Variants in SCFD2 observed in about 807,000 individuals in gnomAD.
SCFD2 encodes the protein sec1 family domain-containing protein 2.
A neutral mutation model predicts 58.9 loss-of-function variants in SCFD2; 54 were observed. The ratio of observed to expected loss-of-function variants is 0.92; its 90% CI spans 0.74 to 1.15. The LOEUF is 1.15. Among genes scored for constraint, SCFD2 ranks in the 50% most tolerant of loss-of-function variants. SCFD2 has a pLI of 0.00. For missense variants in SCFD2, 805 were observed against 836.6 expected (o/e 0.96, Z 0.47); for synonymous variants, 321 against 335.9 (o/e 0.96, Z 0.49).
chr4:53,138,595 C>A (rs1477182868), intron 5 of SCFD2, among the ~76,000 whole-genome samples: 1 of 152,156 alleles, frequency 6.6e-6, no homozygotes, highest in Non-Finnish European at 1.5e-5. Context: ...AAGCAGAGAG[C>A]CAACCCTTGA....
At chr4:52,945,024 C>T (rs1179836143) in intron 5 of SCFD2, among the ~76,000 whole-genome samples, 1 of 152,114 alleles carries the variant, frequency 6.6e-6, no homozygotes. Flanking sequence ...ATAACTAAGA[C>T]ATATTAAGTG....
intron 4 of SCFD2, among the ~76,000 whole-genome samples, chr4:53,179,841 G>A (rs1185943405): frequency 2.6e-5 from 4 of 151,990 alleles, no homozygotes; most frequent in Admixed American, 6.6e-5. Flanking sequence ...AAAAGGCAGG[G>A]GTTGCAATCC....
At chr4:52,939,694 G>C (rs1322386141) in intron 5 of SCFD2, among the ~76,000 whole-genome samples, 1 of 151,310 alleles carries the variant, frequency 6.6e-6, no homozygotes, top group African/African-American at 2.4e-5. Flanking sequence ...GGATGGGTTT[G>C]GACTTAAGAG....
chr4:52,887,896 C>CTTT lies in SCFD2; in HGVS notation c.1843-2033_1843-2031dup, dbSNP rs71195133. ...TATACCCACGTCTCAACATCTTATT[C>CTTT]TTTTTTTTTTTTTTTTTTTTTTTTT... On this transcript the variant is annotated intron_variant, in intron 7 of 8. Transcript: ENST00000401642. Among the ~76,000 whole-genome samples the CTTT allele has an allele frequency of 8.6e-3, 705 of 81,704 alleles. 5 individuals carry two copies. The highest frequency in any genetic ancestry group is 0.013 in the Middle Eastern group (1 of 78). The allele number at this position is 81,704 out of a possible 152,430, so 53.6% of individuals were successfully genotyped here.
intron 8 of SCFD2, among the ~76,000 whole-genome samples, chr4:52,881,154 A>C (rs1718600367): frequency 1.3e-5 from 2 of 152,244 alleles, no homozygotes; most frequent in Admixed American, 6.5e-5. Flanking sequence ...AGAGCAGAGC[A>C]GTCTTCAGAG....
chr4:53,177,674 T>C (rs1279074153), intron 4 of SCFD2, among the ~76,000 whole-genome samples: 4 of 152,078 alleles, frequency 2.6e-5, no homozygotes, highest in African/African-American at 9.7e-5. Flanking sequence ...TGCAGGGCAG[T>C]GGGTGCAGCG....
At chr4:53,096,130 T>C (rs1177064164) in intron 5 of SCFD2, among the ~76,000 whole-genome samples, 1 of 152,208 alleles carries the variant, frequency 6.6e-6, no homozygotes, top group Non-Finnish European at 1.5e-5. Context: ...AGATGGACAT[T>C]TGGGTTGGTT....
chr4:52,909,699 T>A (rs1412083517), intron 6 of SCFD2, among the ~76,000 whole-genome samples: 1 of 152,186 alleles, frequency 6.6e-6, no homozygotes, highest in African/African-American at 2.4e-5. Flanking sequence ...ATAAATTATT[T>A]ATGCATGAAA....
intron 8 of SCFD2, among the ~76,000 whole-genome samples, chr4:52,878,045 T>G (rs1718520655): frequency 2.0e-5 from 3 of 152,116 alleles, no homozygotes. Context: ...CCTCCTCCAT[T>G]GCCCTTCAAC....
At chr4:53,249,981 C>T (rs1483234531) in intron 4 of SCFD2, among the ~76,000 whole-genome samples, 1 of 152,146 alleles carries the variant, frequency 6.6e-6, no homozygotes, top group Non-Finnish European at 1.5e-5. Flanking sequence ...GAACTAAATG[C>T]TCCCATTAAA....
intron 2 of SCFD2, among the ~76,000 whole-genome samples, chr4:53,349,760 A>G (rs1734159581): frequency 6.6e-6 from 1 of 152,192 alleles, no homozygotes; most frequent in Non-Finnish European, 1.5e-5. Flanking sequence ...GTTCTACTAC[A>G]CTTCTAAAAA....
chr4:53,254,175 T>C (rs1303242348), intron 4 of SCFD2, among the ~76,000 whole-genome samples: 1 of 152,170 alleles, frequency 6.6e-6, no homozygotes, highest in Non-Finnish European at 1.5e-5. Context: ...TTTGGCTCTG[T>C]GTCCTCATCC....
At position 53,188,928 on chromosome 4, in the gene SCFD2, G is replaced by A. The variant is rs564047487; in HGVS notation, c.1312-43346C>T. On this transcript the variant is annotated intron_variant, in intron 4 of 8. Transcript: ENST00000401642. ...TAATAGCACCCAGTTTTTATTTAGG[G>A]GACTCTCCCATTTTGGTTCATATGA... Among the ~76,000 whole-genome samples, 4 of 152,100 alleles carry A rather than the reference G, an allele frequency of 2.6e-5. No homozygotes were observed. The East Asian group carries it at 7.8e-4, about 29-fold the overall frequency.
At position 53,070,912 on chromosome 4, in the gene SCFD2, TC is replaced by T. The variant is rs1723795561; in HGVS notation, c.1561+74420del. On this transcript the variant is annotated intron_variant, in intron 5 of 8. Transcript: ENST00000401642. Reference sequence around the variant, plus strand: ...CACTCTCCCATTAGGCGCTCTTCTTTCTTGCTTACTAATGAAACTCTGAGAA... The same window carrying T: ...CACTCTCCCATTAGGCGCTCTTCTTTTTGCTTACTAATGAAACTCTGAGAA... Among the ~76,000 whole-genome samples the T allele has an allele frequency of 2.6e-5, 4 of 152,250 alleles. No homozygotes were observed. The South Asian group carries it at 8.3e-4, about 32-fold the overall frequency.
chr4:53,182,914 A>G (rs2148950417), intron 4 of SCFD2, among the ~76,000 whole-genome samples: 1 of 152,316 alleles, frequency 6.6e-6, no homozygotes, highest in East Asian at 1.9e-4. Context: ...GCTCATCACC[A>G]CTGGCCATCA....
At chr4:53,020,073 T>A (rs1300679157) in intron 5 of SCFD2, among the ~76,000 whole-genome samples, 1 of 152,198 alleles carries the variant, frequency 6.6e-6, no homozygotes, top group Non-Finnish European at 1.5e-5. Context: ...CTAAAACCAT[T>A]AGCAACCAGC....
chr4:53,082,417 C>T (rs1724174878), intron 5 of SCFD2, among the ~76,000 whole-genome samples: 1 of 152,110 alleles, frequency 6.6e-6, no homozygotes, highest in Admixed American at 6.6e-5. Flanking sequence ...AGTGGTATCT[C>T]ATTGTGGATT....
chr4:53,100,308 CT>C (rs1292215978), intron 5 of SCFD2, among the ~76,000 whole-genome samples: 1 of 152,050 alleles, frequency 6.6e-6, no homozygotes, highest in East Asian at 1.9e-4. Flanking sequence ...GAATAAATAC[CT>C]TGTTTATAAT....
chr4:53,234,383 T>C (rs1729530953), intron 4 of SCFD2, among the ~76,000 whole-genome samples: 1 of 152,216 alleles, frequency 6.6e-6, no homozygotes, highest in Non-Finnish European at 1.5e-5. Context: ...GAGAGATTTA[T>C]ATTTCTTGGA....
Sources: gnomAD v4.1 joint callset for allele counts (sites outside exome capture counted in the v4.1 genomes callset) on GRCh38, gnomAD v4.1.1 for gene constraint, MANE v1.5 for transcripts, NCBI Gene and HGNC (gene_info 2026-07-23, HGNC 2026-07-21) for gene names.